Variants in FBXO4 observed in about 807,000 individuals in gnomAD.
FBXO4 encodes the protein F-box protein 4.
FBXO4 carries 36 observed loss-of-function variants against 43.7 expected under a neutral mutation model. The observed-to-expected ratio is 0.82, with a 90% CI of 0.63 to 1.09. FBXO4 has a LOEUF of 1.09. Ranked by LOEUF, FBXO4 falls within the 50% of genes least tolerant of loss-of-function variation. The pLI is 0.00. For synonymous variants in FBXO4, 180 were observed against 165.6 expected, an observed-to-expected ratio of 1.09 and a Z score of -0.67; for missense variants, 435 against 474.1, an observed-to-expected ratio of 0.92 and a Z score of 0.77.
the FBXO4 span, among the ~76,000 whole-genome samples, chr5:42,019,647 C>G: frequency 2.7e-5 from 4 of 150,824 alleles, no homozygotes; most frequent in Non-Finnish European, 5.9e-5. Flanking sequence ...GATTCAAGAT[C>G]ACACCATGGC....
At chr5:41,946,614 C>T (rs1039954352), downstream of FBXO4, among the ~76,000 whole-genome samples, 2 of 152,126 alleles carry the variant, frequency 1.3e-5, no homozygotes, top group East Asian at 3.9e-4. Flanking sequence ...ATTTTACATG[C>T]CAAGTGATAT....
intron 5 of FBXO4, among the ~76,000 whole-genome samples, chr5:41,938,006 C>T (rs1313458080): frequency 6.6e-6 from 1 of 152,092 alleles, no homozygotes; most frequent in Admixed American, 6.6e-5. Context: ...TGATTGTTAA[C>T]AGATCTTCAC....
At chr5:41,940,886 A>C (rs147455631) in intron 6 of FBXO4, among the ~76,000 whole-genome samples, 1 of 152,184 alleles carries the variant, frequency 6.6e-6, no homozygotes, top group Non-Finnish European at 1.5e-5. Context: ...TTTAGTTTTC[A>C]AAGTGGATCC....
At chr5:42,027,713 T>G in the FBXO4 span, among the ~76,000 whole-genome samples, 1 of 151,964 alleles carries the variant, frequency 6.6e-6, no homozygotes, top group Non-Finnish European at 1.5e-5. Context: ...CTGGTTTTGC[T>G]GTATCCCATA....
At chr5:41,931,845 G>A (rs149145351) in intron 3 of FBXO4, among the ~76,000 whole-genome samples, 107 of 152,320 alleles carry the variant, frequency 7.0e-4, no homozygotes, top group African/African-American at 2.3e-3. Flanking sequence ...AAGTAATAAC[G>A]ACAAAGAAGG....
chr5:42,016,524 C>A, the FBXO4 span, among the ~76,000 whole-genome samples: 1 of 151,826 alleles, frequency 6.6e-6, no homozygotes, highest in East Asian at 1.9e-4. Flanking sequence ...AACCACAAAG[C>A]AACCTTGCAA....
At chr5:41,966,762 G>T in the FBXO4 span, among the ~76,000 whole-genome samples, 38 of 151,928 alleles carry the variant, frequency 2.5e-4, no homozygotes, top group South Asian at 2.1e-4. Context: ...AACTCAAAAG[G>T]TTTGGTACCT....
At chr5:42,021,753 G>A in the FBXO4 span, among the ~76,000 whole-genome samples, 1 of 152,002 alleles carries the variant, frequency 6.6e-6, no homozygotes, top group Admixed American at 6.6e-5. Flanking sequence ...GGAGACTTTC[G>A]CTTCTCATTT....
the FBXO4 span, among the ~76,000 whole-genome samples, chr5:41,985,085 C>T: frequency 6.6e-6 from 1 of 152,104 alleles, no homozygotes; most frequent in Admixed American, 6.5e-5. Context: ...TACAAATATC[C>T]CTGCATTCAG....
intron 5 of FBXO4, 181 bp from the exon 6 acceptor site, chr5:41,939,260 G>A: frequency 2.0e-6 from 1 of 500,700 alleles, no homozygotes; most frequent in Non-Finnish European, 3.5e-6. Flanking sequence ...GGAACTACCT[G>A]TATCAAGCAT....
chr5:42,003,814 T>C, the FBXO4 span, among the ~76,000 whole-genome samples: 5 of 152,118 alleles, frequency 3.3e-5, no homozygotes, highest in African/African-American at 1.2e-4. Flanking sequence ...GAAGACAGTG[T>C]GGTGATTCCT....
At chr5:42,016,541 G>A in the FBXO4 span, among the ~76,000 whole-genome samples, 2 of 149,998 alleles carry the variant, frequency 1.3e-5, no homozygotes, top group Non-Finnish European at 1.5e-5. Flanking sequence ...GCAACCTCCT[G>A]TAAACAGATT....
At position 41,925,483 on chromosome 5, in the gene FBXO4, C is replaced by T. The variant is rs946075051; in HGVS notation, c.174C>T (p.Thr58=). The T allele has an allele frequency of 9.9e-6, 13 of 1,314,116 alleles. No homozygotes were observed. In the South Asian group the frequency reaches 2.0e-4, roughly 20 times the overall value. 81.4% of individuals were successfully genotyped at this position (1,314,116 alleles called of 1,614,324 possible). A position where few individuals can be genotyped will look rare whatever the true frequency, so the allele number is the denominator to read the frequency against. The stretch of plus-strand genomic sequence containing the variant: ...AGGAGGTGGATGAGGCGGCCAGCAC[C>T]CTGACGCGGCTGCCGGTGAGCGTCG... The part of the protein sequence containing the change: ...SREEVDEAAS[T]LTRLPIDVQL... Residue 58 remains threonine, a synonymous_variant, in exon 1 of 7, where the codon ACC becomes ACT. Transcript: ENST00000281623.
At chr5:42,001,421 G>A in the FBXO4 span, among the ~76,000 whole-genome samples, 1 of 152,116 alleles carries the variant, frequency 6.6e-6, no homozygotes, top group Admixed American at 6.6e-5. Context: ...TAGTAGAGAC[G>A]GGGTTTCGCC....
chr5:42,006,887 G>GAGAT, the FBXO4 span, among the ~76,000 whole-genome samples: 12 of 79,112 alleles, frequency 1.5e-4, 1 homozygote, highest in South Asian at 4.3e-3. Flanking sequence ...GGTTCATGCT[G>GAGAT]ATATATATAT....
chr5:41,976,444 G>A, the FBXO4 span, among the ~76,000 whole-genome samples: 1 of 152,274 alleles, frequency 6.6e-6, no homozygotes, highest in Admixed American at 6.5e-5. Context: ...AGATAAGATG[G>A]TATTATAGGC....
In FBXO4 at chr5:41,926,996, G is replaced by A; in HGVS notation, c.190-17G>A. ...TCTTCATTCCTTTTTCCTACCTGCT[G>A]CTTTCTTCTGTTTCAGATTGATGTA... On this transcript the variant is annotated splice_polypyrimidine_tract_variant and intron_variant, in intron 1 of 6. Coordinates refer to ENST00000281623, the MANE Select transcript of FBXO4 (RefSeq NM_012176.3). The A allele has an allele frequency of 4.0e-6, 6 of 1,501,232 alleles. No individual in the cohort carries two copies. The highest frequency in any genetic ancestry group is 4.5e-6 in the Non-Finnish European group (5 of 1,107,628). The allele number at this position is 1,501,232 out of a possible 1,614,324, so 93.0% of individuals were successfully genotyped here.
At chr5:41,985,926 TTAAAA>T in the FBXO4 span, among the ~76,000 whole-genome samples, 1 of 152,120 alleles carries the variant, frequency 6.6e-6, no homozygotes, top group Non-Finnish European at 1.5e-5. Context: ...AGTCGAACTG[TTAAAA>T]TAAAAATAGA....
At chr5:41,959,354 CTG>C in the FBXO4 span, among the ~76,000 whole-genome samples, 1 of 152,062 alleles carries the variant, frequency 6.6e-6, no homozygotes, top group Non-Finnish European at 1.5e-5. Flanking sequence ...TCTCTTTACT[CTG>C]TTGACTTTTT....
Sources: gnomAD v4.1 joint callset for allele counts (sites outside exome capture counted in the v4.1 genomes callset) on GRCh38, gnomAD v4.1.1 for gene constraint, MANE v1.5 for transcripts, NCBI Gene and HGNC (gene_info 2026-07-23, HGNC 2026-07-21) for gene names.